The following CSMD2 variants were observed in gnomAD, a reference collection of about 807,000 sequenced individuals.
CSMD2 encodes the protein CUB and sushi domain-containing protein 2.
In CSMD2, 130 loss-of-function variants were observed where a neutral mutation model predicts 398.5. The ratio of observed to expected loss-of-function variants is 0.33; its 90% CI spans 0.28 to 0.38. CSMD2 has a LOEUF of 0.38. CSMD2 is among the 10% of genes least tolerant of loss of function. CSMD2 has a pLI of 1.00. For synonymous variants in CSMD2, 1,828 were observed against 1,908.5 expected, an observed-to-expected ratio of 0.96 and a Z score of 1.10; for missense variants, 3,829 against 4,764.9, an observed-to-expected ratio of 0.80 and a Z score of 5.78.
intron 3 of CSMD2, among the ~76,000 whole-genome samples, chr1:33,989,913 G>A (rs1406008477): frequency 6.6e-6 from 1 of 152,138 alleles, no homozygotes; most frequent in Non-Finnish European, 1.5e-5. Flanking sequence ...CTTGATTGTG[G>A]TGGTAGCTAG....
At chr1:33,646,343 G>C (rs1193993930) in intron 29 of CSMD2, among the ~76,000 whole-genome samples, 1 of 152,154 alleles carries the variant, frequency 6.6e-6, no homozygotes, top group Admixed American at 6.5e-5. Context: ...TGATAGCTAT[G>C]AGGTTGAAAT....
At chr1:33,536,918 C>T in intron 62 of CSMD2, 104 bp downstream of exon 62, 1 of 1,108,006 alleles carries the variant, frequency 9.0e-7, no homozygotes, top group East Asian at 2.4e-5. Context: ...AAGCTCTTGT[C>T]CTCCCTGAGT....
intron 1 of CSMD2, among the ~76,000 whole-genome samples, chr1:34,125,573 G>A (rs1048196529): frequency 3.3e-5 from 5 of 151,374 alleles, no homozygotes; most frequent in African/African-American, 9.7e-5. Flanking sequence ...TTGGCAGGCC[G>A]TTCTGCAGAA....
chr1:33,682,073 G>A (rs904509817), intron 25 of CSMD2, among the ~76,000 whole-genome samples: 7 of 152,156 alleles, frequency 4.6e-5, no homozygotes, highest in Non-Finnish European at 1.0e-4. Context: ...TGTCAGTAGG[G>A]CCATGCTCCC....
At chr1:33,872,257 G>A (rs1045807971) in intron 5 of CSMD2, among the ~76,000 whole-genome samples, 1 of 151,962 alleles carries the variant, frequency 6.6e-6, no homozygotes, top group African/African-American at 2.4e-5. Flanking sequence ...CTGCTTATGT[G>A]AGAAGAGAGA....
chr1:33,625,602 C>T (rs905106283), intron 33 of CSMD2, among the ~76,000 whole-genome samples: 3 of 152,176 alleles, frequency 2.0e-5, no homozygotes, highest in Non-Finnish European at 4.4e-5. Flanking sequence ...CCTCTACCTT[C>T]AGGGCCTTTG....
chr1:33,871,236 A>AAATGTG (rs1485665133), intron 5 of CSMD2, among the ~76,000 whole-genome samples: 2 of 152,206 alleles, frequency 1.3e-5, no homozygotes, highest in African/African-American at 4.8e-5. Context: ...ATATACCTAA[A>AAATGTG]AATGTGAGAT....
chr1:33,546,072 T>C lies in CSMD2; in HGVS notation c.9065A>G (p.Asn3022Ser). ...AGGCTGCGAGCCGCTCCACGAGCCA[T>C]TGGCTTGACAGGTGCGCTCTGACGA... Reference protein sequence around the residue: ...RGSSERTCQANGSWSGSQPEC... With the variant: ...RGSSERTCQASGSWSGSQPEC... The change falls in exon 57 of 71, where the codon AAT becomes AGT. Residue 3022 changes from asparagine to serine, a missense_variant. Physicochemically the swap from Asn to Ser is conservative, Grantham distance 46 (BLOSUM62 1). Around this residue, in one of 5 missense-constraint regions of CSMD2, gnomAD observed 917 missense variants for 1,199.5 expected, o/e 0.76. Coordinates refer to ENST00000373381, the MANE Select transcript of CSMD2 (RefSeq NM_001281956.2). The C allele has an allele frequency of 6.2e-7, 1 of 1,614,006 alleles. No individual in the cohort carries two copies. Among genetic ancestry groups the C allele is most frequent in the Non-Finnish European group, 8.5e-7 (1 of 1,179,920 alleles).
intron 26 of CSMD2, among the ~76,000 whole-genome samples, chr1:33,659,909 A>G (rs1202434370): frequency 6.6e-6 from 1 of 152,260 alleles, no homozygotes; most frequent in African/African-American, 2.4e-5. Context: ...ATTTGTTTAC[A>G]TATCAACATT....
At chr1:33,737,851 C>G (rs1385624305) in intron 15 of CSMD2, among the ~76,000 whole-genome samples, 1 of 152,144 alleles carries the variant, frequency 6.6e-6, no homozygotes, top group Non-Finnish European at 1.5e-5. Context: ...ACAGTGAAGG[C>G]GCAGCTTATG....
At chr1:34,090,826 C>G (rs1658478494) in intron 1 of CSMD2, among the ~76,000 whole-genome samples, 1 of 152,214 alleles carries the variant, frequency 6.6e-6, no homozygotes, top group Non-Finnish European at 1.5e-5. Context: ...AATGGCTCCT[C>G]CTTGCTCTTC....
chr1:34,045,423 T>A (rs1378050458), intron 2 of CSMD2, among the ~76,000 whole-genome samples: 2 of 152,192 alleles, frequency 1.3e-5, no homozygotes, highest in East Asian at 1.9e-4. Flanking sequence ...AACTCCCATT[T>A]AAGAGGGCAA....
At chr1:33,974,580 C>A (rs968486268) in intron 3 of CSMD2, among the ~76,000 whole-genome samples, 2 of 152,230 alleles carry the variant, frequency 1.3e-5, no homozygotes, top group Non-Finnish European at 2.9e-5. Flanking sequence ...ATTTAAGTAA[C>A]CTGCTTGATG....
chr1:34,020,972 C>A (rs1648798478), intron 3 of CSMD2, among the ~76,000 whole-genome samples: 1 of 152,128 alleles, frequency 6.6e-6, no homozygotes, highest in Admixed American at 6.5e-5. Context: ...GACAGGGATG[C>A]CATCTGTCCA....
intron 10 of CSMD2, among the ~76,000 whole-genome samples, chr1:33,805,182 C>T (rs1286222559): frequency 1.3e-5 from 2 of 152,174 alleles, no homozygotes; most frequent in Non-Finnish European, 2.9e-5. Flanking sequence ...TTAGACTTCC[C>T]CCGACACCTC....
intron 12 of CSMD2, among the ~76,000 whole-genome samples, chr1:33,788,072 G>A (rs1205259558): frequency 6.6e-6 from 1 of 152,184 alleles, no homozygotes; most frequent in Non-Finnish European, 1.5e-5. Flanking sequence ...GTGTGCATCT[G>A]ATGCTGGGTG....
intron 19 of CSMD2, among the ~76,000 whole-genome samples, chr1:33,719,200 T>C (rs745369917): frequency 1.6e-4 from 24 of 152,222 alleles, no homozygotes; most frequent in Non-Finnish European, 2.8e-4. Flanking sequence ...CAAACATGTC[T>C]GCAAATGAGA....
rs1396313656 is a variant in CSMD2, at chr1:34,164,964, G to C, written c.134C>G (p.Pro45Arg). 1.6e-6 allele frequency: 2 copies of C among 1,216,046 alleles called. No homozygotes were observed. Among genetic ancestry groups the C allele is most frequent in the African/African-American group, 3.2e-5 (2 of 63,482 alleles). The allele number at this position is 1,216,046 out of a possible 1,614,324, so 75.3% of individuals were successfully genotyped here. A position where few individuals can be genotyped will look rare whatever the true frequency, so the allele number is the denominator to read the frequency against. Residue 45 changes from proline (P) to arginine (R), a missense_variant, in exon 1 of 71, where the codon CCG becomes CGG. By Grantham distance (103) the Pro-to-Arg change is moderately radical (BLOSUM62 -2). This residue lies in a region of CSMD2 where 184 missense variants were observed against 217.7 expected (regional missense o/e 0.85). Transcript: ENST00000373381. The surrounding 1 kb of genome is among the most constrained non-coding windows in gnomAD (Gnocchi z 6.2). ...ACAGCCCAGCAACAGCAGCAGAGGC[G>C]GCGGCGTTGGCGGCGGCGGGCGGCC... is the stretch of plus-strand genomic sequence containing the variant. ...RWGRPPPPTP[P>R]PLLLLLGCGL...
intron 12 of CSMD2, among the ~76,000 whole-genome samples, chr1:33,781,029 TGA>T (rs1652695124): frequency 6.6e-6 from 1 of 152,202 alleles, no homozygotes; most frequent in African/African-American, 2.4e-5. Flanking sequence ...TGGCCTCCTT[TGA>T]AGTCTGCTTC....
Sources: allele counts gnomAD v4.1 joint callset (sites outside exome capture counted in the v4.1 genomes callset), GRCh38; gene constraint gnomAD v4.1.1; regional missense constraint gnomAD v4.1.1; non-coding constraint Gnocchi (gnomAD v3.1); transcripts MANE v1.5; gene names NCBI Gene and HGNC (gene_info 2026-07-23, HGNC 2026-07-21).